The following APPL1 variants were observed in gnomAD, a reference collection of about 807,000 sequenced individuals.
APPL1 encodes the protein DCC-interacting protein 13-alpha.
A neutral mutation model predicts 106.8 loss-of-function variants in APPL1; 42 were observed. The ratio of observed to expected loss-of-function variants is 0.39; its 90% CI spans 0.31 to 0.51. The LOEUF (loss-of-function observed/expected upper bound fraction) is 0.51. APPL1 is among the 20% of genes least tolerant of loss of function. The probability of loss-of-function intolerance (pLI) is 0.75; values close to 1 mark genes in which losing one functional copy is unlikely to be tolerated. For missense variants in APPL1, 769 were observed against 858.2 expected, an observed-to-expected ratio of 0.90 and a Z score of 1.30; for synonymous variants, 263 against 281.8, an observed-to-expected ratio of 0.93 and a Z score of 0.67.
At position 57,270,067 on chromosome 3, in the gene APPL1, C is replaced by G. The variant is rs2060925892; in HGVS notation, c.*380C>G. 6.4e-6 allele frequency: 1 copy of G among 157,014 alleles called. No homozygotes were observed. Among genetic ancestry groups the G allele is most frequent in the African/African-American group, 2.4e-5 (1 of 41,610 alleles). The allele number at this position is 157,014 out of a possible 1,614,324, so 9.7% of individuals were successfully genotyped here. ...CTTAGACATTCATGGATATGCTTTT[C>G]TTTCATTAGGAACATTTTGCTGGTG... On this transcript the variant is annotated 3_prime_UTR_variant, in exon 22 of 22. Transcript: ENST00000288266.
At chr3:57,236,690 G>A (rs751696521) in intron 2 of APPL1, among the ~76,000 whole-genome samples, 2 of 152,172 alleles carry the variant, frequency 1.3e-5, no homozygotes, top group African/African-American at 4.8e-5. Flanking sequence ...TTAAAAGAAG[G>A]CACTAAAAAT....
rs1342244149 is a variant in APPL1 at position 57,272,391 on chromosome 3, A to G, written c.*2704A>G. The G allele has an allele frequency of 2.0e-5, 3 of 152,158 alleles. No individual in the cohort carries two copies. Among genetic ancestry groups the G allele is most frequent in the East Asian group, 1.9e-4 (1 of 5,194 alleles). 9.4% of individuals were successfully genotyped at this position (152,158 alleles called of 1,614,324 possible). A position where few individuals can be genotyped will look rare whatever the true frequency, so the allele number is the denominator to read the frequency against. The stretch of plus-strand genomic sequence containing the variant: ...TTCAAAAGAATCCTCAGGCTCTACA[A>G]TCTAGGGGTGGTAAATGTGTTTCCA... On this transcript the variant is annotated 3_prime_UTR_variant, in exon 22 of 22. Coordinates refer to ENST00000288266, the MANE Select transcript of APPL1 (RefSeq NM_012096.3).
rs2060809260 is a variant in APPL1, at chr3:57,252,349, T to C, written c.1095+38T>C. The C allele has an allele frequency of 3.4e-6, 5 of 1,474,250 alleles. No homozygotes were observed. The South Asian group carries it at 3.7e-5, about 11-fold the overall frequency. The allele number at this position is 1,474,250 out of a possible 1,614,324, so 91.3% of individuals were successfully genotyped here. ...CTAGTTCATTTCTTCATTGACATTTTAAAATATTTTTCTGATGACAAAACA... is the reference window on the plus strand; with the variant it reads ...CTAGTTCATTTCTTCATTGACATTTCAAAATATTTTTCTGATGACAAAACA... On this transcript the variant is annotated intron_variant, in intron 12 of 21. Coordinates refer to ENST00000288266, the MANE Select transcript of APPL1 (RefSeq NM_012096.3).
At chr3:57,254,112 C>T (rs548166600) in intron 13 of APPL1, among the ~76,000 whole-genome samples, 58 of 152,324 alleles carry the variant, frequency 3.8e-4, no homozygotes, top group African/African-American at 1.3e-3. Context: ...ATCTGGCCAT[C>T]TCGGCCTCCC....
At chr3:57,229,699 CTTTTTTTTTTT>C (rs753258836) in intron 1 of APPL1, among the ~76,000 whole-genome samples, 16 of 93,134 alleles carry the variant, frequency 1.7e-4, no homozygotes, top group East Asian at 3.3e-4. Context: ...ACTGTGCCAG[CTTTTTTTTTTT>C]TTTTTTTTTT....
chr3:57,238,536 A>G (rs1033093638), intron 4 of APPL1, among the ~76,000 whole-genome samples: 1 of 152,212 alleles, frequency 6.6e-6, no homozygotes, highest in Non-Finnish European at 1.5e-5. Context: ...ACAACAAATC[A>G]TTAAAACAAA....
At chr3:57,245,218 A>G (rs2060766513) in intron 7 of APPL1, among the ~76,000 whole-genome samples, 1 of 152,202 alleles carries the variant, frequency 6.6e-6, no homozygotes, top group Admixed American at 6.5e-5. Context: ...TGAGGATTCT[A>G]AGGAAAGCAG....
chr3:57,251,492 T>G (rs1307461327), intron 11 of APPL1, among the ~76,000 whole-genome samples: 1 of 147,290 alleles, frequency 6.8e-6, no homozygotes, highest in Middle Eastern at 3.8e-3. Context: ...GCCACTGCAC[T>G]TCAGCCTGGG....
intron 19 of APPL1, among the ~76,000 whole-genome samples, chr3:57,266,806 A>G (rs1579405436): frequency 2.6e-5 from 4 of 152,224 alleles, no homozygotes; most frequent in African/African-American, 9.6e-5. Context: ...ATTCTTCTAC[A>G]TGTGGCTCTC....
chr3:57,244,848 A>C (rs1057364261), intron 7 of APPL1, among the ~76,000 whole-genome samples: 3 of 152,204 alleles, frequency 2.0e-5, no homozygotes, highest in Non-Finnish European at 4.4e-5. Flanking sequence ...CAGAGATACA[A>C]TGAAGGCCTC....
chr3:57,251,524 CAAAA>C (rs75189556), intron 11 of APPL1, among the ~76,000 whole-genome samples: 4 of 70,952 alleles, frequency 5.6e-5, no homozygotes, highest in Non-Finnish European at 6.2e-5. Context: ...GACTTTGTCT[CAAAA>C]AAAAAAAAAA....
At chr3:57,268,157 C>G in intron 20 of APPL1, 2 of 486,840 alleles carry the variant, frequency 4.1e-6, no homozygotes, top group African/African-American at 3.9e-5. Flanking sequence ...AGTATATTAG[C>G]TCTTTCATAT....
chr3:57,242,232 A>C, intron 6 of APPL1, 90 bp downstream of exon 6: 1 of 891,586 alleles, frequency 1.1e-6, no homozygotes, highest in South Asian at 1.9e-5. Flanking sequence ...TAATAATTGA[A>C]AAAAAACCAA....
intron 19 of APPL1, among the ~76,000 whole-genome samples, chr3:57,262,447 C>T (rs1462550665): frequency 9.3e-6 from 1 of 107,418 alleles, no homozygotes; most frequent in African/African-American, 3.6e-5. Context: ...GGCTGGAGTG[C>T]AGTGGCACAA....
intron 2 of APPL1, among the ~76,000 whole-genome samples, chr3:57,236,545 C>G (rs1297591497): frequency 6.6e-6 from 1 of 152,060 alleles, no homozygotes; most frequent in African/African-American, 2.4e-5. Flanking sequence ...CCAGGCTGGT[C>G]TCGAACTCCT....
At chr3:57,255,420 G>T (rs2060829584) in intron 13 of APPL1, among the ~76,000 whole-genome samples, 1 of 152,184 alleles carries the variant, frequency 6.6e-6, no homozygotes, top group African/African-American at 2.4e-5. Context: ...TGATATGAAG[G>T]ATGAAAGAGA....
In APPL1 at chr3:57,257,355, A is replaced by G. The variant is rs770633056; in HGVS notation, c.1357A>G (p.Ile453Val). The change falls in exon 15 of 22, where the codon ATA (isoleucine) becomes GTA (valine). Residue 453 changes from isoleucine to valine, a missense_variant. Ile to Val is a conservative substitution (Grantham distance 29). Transcript: ENST00000288266. ...LDSLVAPDTP[I>V]QFDIISPVCE... ...TTCTCTTGTTGCCCCAGACACCCCA[A>G]TACAGTTTGACATAATTTCTCCTGT... 5.0e-6 allele frequency: 8 copies of G among 1,614,066 alleles called. No homozygotes were observed. The highest frequency in any genetic ancestry group is 2.2e-5 in the South Asian group (2 of 91,072).
rs562846846 is a variant in APPL1 at position 57,249,215 on chromosome 3, T to C, written c.864-145T>C. ...ACATACATGAATTTATTTTAGAGAC[T>C]GAAAGCATATTTATATTTATTTTCT... On this transcript the variant is annotated intron_variant, in intron 10 of 21. Transcript: ENST00000288266. 51 of 725,400 alleles carry C rather than the reference T, an allele frequency of 7.0e-5. No individual in the cohort carries two copies. The Middle Eastern group carries it at 2.4e-3, about 35-fold the overall frequency. The allele number at this position is 725,400 out of a possible 1,614,324, so 44.9% of individuals were successfully genotyped here. A position where few individuals can be genotyped will look rare whatever the true frequency, so the allele number is the denominator to read the frequency against.
chr3:57,240,648 G>A (rs1327141552), intron 5 of APPL1, 96 bp downstream of exon 5: 5 of 1,060,798 alleles, frequency 4.7e-6, no homozygotes, highest in Non-Finnish European at 7.1e-6. Flanking sequence ...CTGGATGACA[G>A]CCTATGCCAC....
Sources: gnomAD v4.1 joint callset for allele counts (sites outside exome capture counted in the v4.1 genomes callset) on GRCh38, gnomAD v4.1.1 for gene constraint, MANE v1.5 for transcripts, NCBI Gene and HGNC (gene_info 2026-07-23, HGNC 2026-07-21) for gene names.